AGBL4: variants seen among roughly 807,000 people sequenced by gnomAD.
AGBL4 encodes the protein cytosolic carboxypeptidase 6.
Under a neutral mutation model 66.4 loss-of-function variants are expected in AGBL4, and 58 were observed. That is an observed-to-expected ratio of 0.87 (90% CI 0.71 to 1.09). The LOEUF (loss-of-function observed/expected upper bound fraction) is 1.09, where lower values mean the gene tolerates loss of function less well. Ranked by LOEUF, AGBL4 falls within the 50% of genes least tolerant of loss-of-function variation. The pLI, the probability that AGBL4 is intolerant of heterozygous loss-of-function variation, is 0.00. For synonymous variants in AGBL4, 234 were observed against 222.9 expected, an observed-to-expected ratio of 1.05 and a Z score of -0.44; for missense variants, 579 against 631.0, an observed-to-expected ratio of 0.92 and a Z score of 0.88.
At chr1:49,342,741 AC>A (rs1178216149) in intron 3 of AGBL4, among the ~76,000 whole-genome samples, 1 of 152,146 alleles carries the variant, frequency 6.6e-6, no homozygotes, top group African/African-American at 2.4e-5. Flanking sequence ...CATTTGTGTG[AC>A]CTTTGCCATT....
At chr1:49,565,185 G>A (rs1044489696) in intron 3 of AGBL4, among the ~76,000 whole-genome samples, 11 of 151,762 alleles carry the variant, frequency 7.2e-5, no homozygotes, top group Non-Finnish European at 4.4e-5. Flanking sequence ...CCTTTATTTT[G>A]AGCCTATGTG....
chr1:49,613,066 CATGTATTCTGCAG>C (rs1645183042), intron 3 of AGBL4, among the ~76,000 whole-genome samples: 1 of 152,064 alleles, frequency 6.6e-6, no homozygotes, highest in Admixed American at 6.6e-5. Flanking sequence ...AGAATGAAAT[CATGTATTCTGCAG>C]CAACATGGAT....
At position 48,707,581 on chromosome 1, in the gene AGBL4, A is replaced by T. The variant is rs138061306; in HGVS notation, c.635-44340T>A. ...GTCAAAATAGCCTCTTGAATTATAA[A>T]ACCACCAGTGACAAAGACTAATCTT... On this transcript the variant is annotated intron_variant, in intron 6 of 13. Coordinates refer to ENST00000371839, the MANE Select transcript of AGBL4 (RefSeq NM_032785.4). Among the ~76,000 whole-genome samples the T allele has an allele frequency of 6.1e-3, 925 of 152,262 alleles. 11 individuals carry two copies. Among genetic ancestry groups the T allele is most frequent in the Middle Eastern group, 0.024 (7 of 294 alleles).
chr1:49,249,654 T>C (rs1428921683), intron 3 of AGBL4, among the ~76,000 whole-genome samples: 2 of 152,186 alleles, frequency 1.3e-5, no homozygotes, highest in African/African-American at 4.8e-5. Context: ...TATGGAATAC[T>C]GTATACAAGT....
chr1:49,714,621 T>C (rs1558185867), intron 2 of AGBL4, among the ~76,000 whole-genome samples: 1 of 150,440 alleles, frequency 6.6e-6, no homozygotes, highest in Non-Finnish European at 1.5e-5. Context: ...TATATATCTA[T>C]ACATATACAC....
intron 1 of AGBL4, among the ~76,000 whole-genome samples, chr1:50,004,401 T>C (rs1407855969): frequency 2.0e-5 from 3 of 152,172 alleles, no homozygotes; most frequent in Non-Finnish European, 4.4e-5. Context: ...CCTGGTGCTA[T>C]GTTGGGCTTG....
intron 3 of AGBL4, among the ~76,000 whole-genome samples, chr1:49,689,438 C>T (rs1417500871): frequency 6.6e-6 from 1 of 152,032 alleles, no homozygotes; most frequent in Non-Finnish European, 1.5e-5. Context: ...TATGTGTCTG[C>T]TTTTATGCCA....
chr1:48,742,549 T>A, intron 6 of AGBL4: 1 of 1,337,624 alleles, frequency 7.5e-7, no homozygotes, highest in South Asian at 2.5e-5. Flanking sequence ...TTTGGAAAGC[T>A]CCCACCATAC....
intron 2 of AGBL4, among the ~76,000 whole-genome samples, chr1:49,828,897 G>A (rs371925333): frequency 4.6e-5 from 7 of 151,884 alleles, no homozygotes; most frequent in South Asian, 2.1e-4. Flanking sequence ...GGTGAAACCC[G>A]TCTCTACTAA....
chr1:49,287,447 T>G (rs1192036011), intron 3 of AGBL4, among the ~76,000 whole-genome samples: 6 of 148,386 alleles, frequency 4.0e-5, no homozygotes, highest in Admixed American at 4.0e-4. Context: ...TGGGAGAAAA[T>G]TTTCGCAACC....
chr1:48,953,166 C>A (rs1657143319), intron 5 of AGBL4, among the ~76,000 whole-genome samples: 1 of 152,178 alleles, frequency 6.6e-6, no homozygotes, highest in Non-Finnish European at 1.5e-5. Context: ...CGGTAGCTCA[C>A]ACAATGAGCT....
intron 4 of AGBL4, among the ~76,000 whole-genome samples, chr1:49,188,043 C>T (rs1209205233): frequency 2.0e-5 from 3 of 152,114 alleles, no homozygotes; most frequent in East Asian, 1.9e-4. Flanking sequence ...CTGCCATCCA[C>T]GTAAGATGTG....
intron 5 of AGBL4, among the ~76,000 whole-genome samples, chr1:49,006,445 G>T (rs1227415988): frequency 6.6e-6 from 1 of 152,180 alleles, no homozygotes; most frequent in East Asian, 1.9e-4. Context: ...CAGCGAGGCT[G>T]GGGGAGGGGC....
chr1:49,306,150 T>C (rs80148935), intron 3 of AGBL4, among the ~76,000 whole-genome samples: 2,339 of 152,310 alleles, frequency 0.015, 29 homozygotes, highest in Non-Finnish European at 0.024. Context: ...GTTCAATTGC[T>C]GAGCATAGAC....
At chr1:48,827,828 G>A (rs1228551067) in intron 6 of AGBL4, among the ~76,000 whole-genome samples, 1 of 152,056 alleles carries the variant, frequency 6.6e-6, no homozygotes, top group African/African-American at 2.4e-5. Flanking sequence ...AAAACAGGCT[G>A]GGGACTAGCA....
intron 1 of AGBL4, among the ~76,000 whole-genome samples, chr1:49,906,046 G>A (rs1650241844): frequency 6.6e-6 from 1 of 151,342 alleles, no homozygotes; most frequent in Admixed American, 6.6e-5. Context: ...AGATTATGTA[G>A]CCATTGTTGC....
At chr1:49,635,947 A>T (rs1159258209) in intron 3 of AGBL4, among the ~76,000 whole-genome samples, 2 of 152,310 alleles carry the variant, frequency 1.3e-5, no homozygotes. Flanking sequence ...CAGCAACTAA[A>T]AATTAGATAC....
intron 5 of AGBL4, among the ~76,000 whole-genome samples, chr1:48,972,288 A>G (rs893254695): frequency 5.3e-5 from 8 of 152,138 alleles, no homozygotes; most frequent in Non-Finnish European, 1.5e-5. Context: ...GTCCATCCGT[A>G]TCTTCTCATA....
At chr1:49,864,242 G>T (rs896088752) in intron 1 of AGBL4, among the ~76,000 whole-genome samples, 4 of 152,166 alleles carry the variant, frequency 2.6e-5, no homozygotes, top group Admixed American at 6.5e-5. Context: ...GAGAGTAGAA[G>T]AATGGTTACC....
Sources: allele counts gnomAD v4.1 joint callset (sites outside exome capture counted in the v4.1 genomes callset), GRCh38; gene constraint gnomAD v4.1.1; transcripts MANE v1.5; gene names NCBI Gene and HGNC (gene_info 2026-07-23, HGNC 2026-07-21).